SLC9D1: variants seen among roughly 807,000 people sequenced by gnomAD.
The protein encoded by SLC9D1 is solute carrier family 9 member D1, also known as putative LAG1-interacting protein.
At chr13:113,520,524 A>T in the SLC9D1 span, 177 of 645,100 alleles carry the variant, frequency 2.7e-4, no homozygotes, top group Non-Finnish European at 4.2e-4. Context: ...AAATAATTTG[A>T]GTTATTTTGG....
the SLC9D1 span, among the ~76,000 whole-genome samples, chr13:113,517,805 C>G: frequency 1.3e-5 from 2 of 151,728 alleles, no homozygotes; most frequent in Non-Finnish European, 1.5e-5. Flanking sequence ...CAAGTGGGGA[C>G]TGTGGGTGGA....
At chr13:113,497,035 C>T in the SLC9D1 span, among the ~76,000 whole-genome samples, 10 of 152,222 alleles carry the variant, frequency 6.6e-5, no homozygotes, top group South Asian at 2.1e-4. Flanking sequence ...CTCCAGGTGC[C>T]GGTGACCTGC....
the SLC9D1 span, among the ~76,000 whole-genome samples, chr13:113,508,096 A>G: frequency 3.3e-5 from 5 of 152,294 alleles, no homozygotes; most frequent in African/African-American, 1.2e-4. Flanking sequence ...GCCGTTTCCC[A>G]CTGTGGTGTC....
the SLC9D1 span, among the ~76,000 whole-genome samples, chr13:113,542,473 A>C: frequency 6.6e-6 from 1 of 152,248 alleles, no homozygotes; most frequent in East Asian, 1.9e-4. Flanking sequence ...TGTTATTCTC[A>C]TCACCTCCTC....
At chr13:113,495,589 T>C in the SLC9D1 span, 3 of 1,537,168 alleles carry the variant, frequency 2.0e-6, no homozygotes, top group African/African-American at 4.1e-5. Flanking sequence ...ATCATGAAGG[T>C]GTTGGGAAGA....
the SLC9D1 span, among the ~76,000 whole-genome samples, chr13:113,518,859 A>AT: frequency 6.6e-6 from 1 of 152,250 alleles, no homozygotes; most frequent in Non-Finnish European, 1.5e-5. Context: ...CTAAGCCAAG[A>AT]TATTTTGTTC....
At chr13:113,541,264 G>A in the SLC9D1 span, among the ~76,000 whole-genome samples, 4 of 150,812 alleles carry the variant, frequency 2.7e-5, no homozygotes, top group African/African-American at 9.8e-5. Flanking sequence ...TATTACCGCC[G>A]AGATGTGTGG....
At chr13:113,499,572 G>A in the SLC9D1 span, among the ~76,000 whole-genome samples, 2 of 152,278 alleles carry the variant, frequency 1.3e-5, no homozygotes, top group South Asian at 4.1e-4. Flanking sequence ...GACTGATGAC[G>A]AAAATTGACT....
the SLC9D1 span, chr13:113,549,911 A>T: frequency 4.0e-6 from 2 of 503,010 alleles, no homozygotes; most frequent in Non-Finnish European, 7.0e-6. Context: ...GGCTTTTAAA[A>T]ATGTACAACT....
chr13:113,521,365 TGTG>T, the SLC9D1 span, among the ~76,000 whole-genome samples: 1 of 150,326 alleles, frequency 6.7e-6, no homozygotes, highest in Non-Finnish European at 1.5e-5. Flanking sequence ...TGCATGCATG[TGTG>T]GTGTGTGTGT....
chr13:113,521,314 GT>G, the SLC9D1 span, among the ~76,000 whole-genome samples: 17 of 147,616 alleles, frequency 1.2e-4, no homozygotes, highest in South Asian at 2.2e-4. Context: ...ATATCTGTGT[GT>G]TTGCATGTGT....
chr13:113,536,948 C>A, the SLC9D1 span, among the ~76,000 whole-genome samples: 78 of 152,268 alleles, frequency 5.1e-4, 1 homozygote, highest in African/African-American at 1.7e-3. Flanking sequence ...CACGCCGTGC[C>A]CCACAGCCTC....
chr13:113,531,652 C>T, the SLC9D1 span, among the ~76,000 whole-genome samples: 1 of 150,782 alleles, frequency 6.6e-6, no homozygotes, highest in Non-Finnish European at 1.5e-5. Flanking sequence ...AGATCAAGAG[C>T]AGCACGCGTG....
the SLC9D1 span, among the ~76,000 whole-genome samples, chr13:113,531,657 C>T: frequency 2.0e-4 from 30 of 147,622 alleles, no homozygotes; most frequent in African/African-American, 6.0e-4. Context: ...AAGAGCAGCA[C>T]GCGTGTGGAC....
At chr13:113,529,223 A>G in the SLC9D1 span, 1 of 152,246 alleles carries the variant, frequency 6.6e-6, no homozygotes, top group African/African-American at 2.4e-5. Context: ...TAATTCAGTC[A>G]TGACACTTCA....
the SLC9D1 span, chr13:113,495,890 G>A: frequency 6.2e-7 from 1 of 1,614,192 alleles, no homozygotes; most frequent in Non-Finnish European, 8.5e-7. Flanking sequence ...AGAAAGAGCT[G>A]AATGAAAGTG....
chr13:113,520,520 T>G, the SLC9D1 span: 1 of 732,720 alleles, frequency 1.4e-6, no homozygotes, highest in Non-Finnish European at 2.1e-6. Context: ...GCCAAAATAA[T>G]TTGAGTTATT....
the SLC9D1 span, chr13:113,549,813 C>CT: frequency 0.023 from 10,694 of 459,960 alleles, no homozygotes; most frequent in South Asian, 0.036. Flanking sequence ...CTGGATGTGC[C>CT]TTTTTTTTTT....
the SLC9D1 span, among the ~76,000 whole-genome samples, chr13:113,519,320 A>G: frequency 6.7e-6 from 1 of 149,894 alleles, no homozygotes; most frequent in East Asian, 1.9e-4. Context: ...TGCTGGGATT[A>G]CAGGCGTGAG....
Sources: allele counts gnomAD v4.1 joint callset (sites outside exome capture counted in the v4.1 genomes callset), GRCh38; gene constraint gnomAD v4.1.1; transcripts MANE v1.5; gene names NCBI Gene and HGNC (gene_info 2026-07-23, HGNC 2026-07-21).